The following ADAMTSL1 variants were observed in gnomAD, a reference collection of about 807,000 sequenced individuals.
ADAMTSL1 encodes ADAMTS like 1.
In ADAMTSL1, 126 loss-of-function variants were observed where a neutral mutation model predicts 201.8. The observed-to-expected ratio is 0.62, with a 90% CI of 0.54 to 0.72. ADAMTSL1 has a LOEUF of 0.72. ADAMTSL1 is among the 30% of genes least tolerant of loss of function. The pLI is 0.00. For synonymous variants in ADAMTSL1, 1,121 were observed against 903.4 expected, an observed-to-expected ratio of 1.24 and a Z score of -4.32; for missense variants, 2,679 against 2,277.8, an observed-to-expected ratio of 1.18 and a Z score of -3.59.
chr9:18,518,853 A>C (rs1195855103), intron 2 of ADAMTSL1, among the ~76,000 whole-genome samples: 3 of 152,122 alleles, frequency 2.0e-5, no homozygotes, highest in Non-Finnish European at 4.4e-5. Flanking sequence ...GATTACAGGC[A>C]TGCGCCATGA....
chr9:18,526,677 T>A (rs909724621), intron 2 of ADAMTSL1, among the ~76,000 whole-genome samples: 2 of 152,206 alleles, frequency 1.3e-5, no homozygotes, highest in Non-Finnish European at 2.9e-5. Context: ...GTAAAGGTTT[T>A]TATTTCTCCT....
intron 2 of ADAMTSL1, among the ~76,000 whole-genome samples, chr9:18,306,452 G>T (rs1342092740): frequency 6.6e-6 from 1 of 152,068 alleles, no homozygotes; most frequent in Non-Finnish European, 1.5e-5. Context: ...TTTGAAAAAA[G>T]GTTAGAGAAA....
At chr9:18,230,690 A>G (rs1587359965) in intron 2 of ADAMTSL1, among the ~76,000 whole-genome samples, 1 of 152,354 alleles carries the variant, frequency 6.6e-6, no homozygotes, top group East Asian at 1.9e-4. Context: ...CTGAAAGAAT[A>G]ATACAGAAAG....
chr9:18,289,961 A>G (rs1333048515), intron 2 of ADAMTSL1, among the ~76,000 whole-genome samples: 1 of 152,186 alleles, frequency 6.6e-6, no homozygotes, highest in Non-Finnish European at 1.5e-5. Context: ...GGAGTGTGTT[A>G]TGGCAAATGG....
chr9:18,745,439 T>G (rs1049171838), intron 15 of ADAMTSL1, among the ~76,000 whole-genome samples: 5 of 152,242 alleles, frequency 3.3e-5, no homozygotes, highest in African/African-American at 9.6e-5. Context: ...CCCATCATTC[T>G]TTGAGCACTT....
chr9:18,380,381 A>T (rs889609887), intron 2 of ADAMTSL1, among the ~76,000 whole-genome samples: 1 of 152,242 alleles, frequency 6.6e-6, no homozygotes, highest in Non-Finnish European at 1.5e-5. Flanking sequence ...GAAGATATGA[A>T]ATAAAGGTAG....
chr9:18,713,481 A>G (rs1474081014), intron 14 of ADAMTSL1, among the ~76,000 whole-genome samples: 2 of 152,150 alleles, frequency 1.3e-5, no homozygotes, highest in Non-Finnish European at 2.9e-5. Flanking sequence ...TTAAACCAAC[A>G]AAGATCAAAA....
intron 2 of ADAMTSL1, among the ~76,000 whole-genome samples, chr9:18,273,062 G>A (rs976804735): frequency 6.6e-6 from 1 of 152,152 alleles, no homozygotes; most frequent in Non-Finnish European, 1.5e-5. Flanking sequence ...GCAGAAGGAT[G>A]GTTGCAGGGA....
At chr9:18,644,594 G>C (rs1342559909) in intron 7 of ADAMTSL1, among the ~76,000 whole-genome samples, 1 of 148,866 alleles carries the variant, frequency 6.7e-6, no homozygotes, top group African/African-American at 2.5e-5. Context: ...GTGTCCATGT[G>C]TTCTCATTGT....
At chr9:18,818,039 A>C (rs1310803396) in intron 21 of ADAMTSL1, among the ~76,000 whole-genome samples, 1 of 152,182 alleles carries the variant, frequency 6.6e-6, no homozygotes, top group Non-Finnish European at 1.5e-5. Flanking sequence ...GCTCTGTATA[A>C]AAATATTTAC....
intron 1 of ADAMTSL1, among the ~76,000 whole-genome samples, chr9:18,083,599 T>A (rs907756586): frequency 1.3e-5 from 2 of 151,960 alleles, no homozygotes; most frequent in African/African-American, 2.4e-5. Context: ...CACTTAAGAG[T>A]TATATGAAAG....
chr9:18,567,020 C>G (rs187339377), intron 3 of ADAMTSL1, among the ~76,000 whole-genome samples: 5 of 152,154 alleles, frequency 3.3e-5, no homozygotes, highest in Non-Finnish European at 7.4e-5. Flanking sequence ...TTCGCATCAC[C>G]TGGGATCTTG....
chr9:18,153,296 T>C (rs1485609466), intron 1 of ADAMTSL1, among the ~76,000 whole-genome samples: 1 of 152,026 alleles, frequency 6.6e-6, no homozygotes, highest in African/African-American at 2.4e-5. Context: ...CTCTGACCCT[T>C]ATTAGATAAA....
intron 4 of ADAMTSL1, among the ~76,000 whole-genome samples, chr9:18,586,076 A>C (rs1342262080): frequency 1.3e-5 from 2 of 152,214 alleles, no homozygotes; most frequent in Non-Finnish European, 2.9e-5. Flanking sequence ...ATCATATTGG[A>C]AGTGCTGGCC....
At chr9:18,649,998 A>G (rs1828109022) in intron 7 of ADAMTSL1, among the ~76,000 whole-genome samples, 1 of 152,166 alleles carries the variant, frequency 6.6e-6, no homozygotes, top group African/African-American at 2.4e-5. Flanking sequence ...TCAGAGGTGG[A>G]GCCTACAGAG....
At chr9:18,095,928 T>C (rs1239269500) in intron 1 of ADAMTSL1, among the ~76,000 whole-genome samples, 1 of 152,184 alleles carries the variant, frequency 6.6e-6, no homozygotes, top group African/African-American at 2.4e-5. Flanking sequence ...ATGGGAAATA[T>C]GAGTTCATTT....
intron 13 of ADAMTSL1, among the ~76,000 whole-genome samples, chr9:18,702,465 A>ATAAG (rs1282359071): frequency 1.3e-5 from 2 of 152,248 alleles, no homozygotes; most frequent in African/African-American, 4.8e-5. Context: ...TAGGGATTTT[A>ATAAG]TAAGTGAATT....
intron 1 of ADAMTSL1, among the ~76,000 whole-genome samples, chr9:18,028,828 C>T (rs1440963764): frequency 6.6e-6 from 1 of 152,008 alleles, no homozygotes; most frequent in Admixed American, 6.6e-5. Flanking sequence ...GGGGATGGCA[C>T]TGAATCTATA....
intron 2 of ADAMTSL1, among the ~76,000 whole-genome samples, chr9:18,291,323 A>C (rs1401030053): frequency 1.3e-5 from 2 of 152,214 alleles, no homozygotes; most frequent in Non-Finnish European, 2.9e-5. Context: ...AGAACGCTTC[A>C]ATAATATCAG....
Sources: gnomAD v4.1 joint callset for allele counts (sites outside exome capture counted in the v4.1 genomes callset) on GRCh38, gnomAD v4.1.1 for gene constraint, MANE v1.5 for transcripts, NCBI Gene and HGNC (gene_info 2026-07-23, HGNC 2026-07-21) for gene names.